The following NTM variants were observed in gnomAD, a reference collection of about 807,000 sequenced individuals.
NTM encodes the protein IgLON family member 2.
A neutral mutation model predicts 42.1 loss-of-function variants in NTM; 13 were observed. That is an observed-to-expected ratio of 0.31 (90% CI 0.20 to 0.49). NTM has a LOEUF of 0.49. NTM is among the 20% of genes least tolerant of loss of function. The probability of loss-of-function intolerance (pLI) is 0.99; values close to 1 mark genes in which losing one functional copy is unlikely to be tolerated. For synonymous variants in NTM, 187 were observed against 179.2 expected (o/e 1.04, Z -0.35); for missense variants, 373 against 452.8 (o/e 0.82, Z 1.60).
At chr11:131,776,199 A>G (rs528822056) in intron 1 of NTM, among the ~76,000 whole-genome samples, 2 of 152,338 alleles carry the variant, frequency 1.3e-5, no homozygotes, top group South Asian at 4.1e-4. Context: ...TTTAGTAGAC[A>G]TTTGTGGCTC....
chr11:131,911,198 C>A (rs937803812), intron 1 of NTM: 23 of 1,372,672 alleles, frequency 1.7e-5, no homozygotes, highest in Non-Finnish European at 2.1e-5. Flanking sequence ...CGCGCTTCCC[C>A]CTCCTCGGCC....
intron 4 of NTM, among the ~76,000 whole-genome samples, chr11:132,277,547 A>G (rs2093777025): frequency 6.6e-6 from 1 of 152,208 alleles, no homozygotes; most frequent in South Asian, 2.1e-4. Context: ...AATGTCTCAC[A>G]GAGTTGGTTC....
rs562237532 is a variant in NTM at position 132,024,021 on chromosome 11, A to G, written c.167+112373A>G. On this transcript the variant is annotated intron_variant, in intron 2 of 8. Transcript: ENST00000683400. ...TTTTTAGTAGAGATGGGGTTTCACC[A>G]TGTTAGCCAGGAGGTCTCGATCTCC... Among the ~76,000 whole-genome samples the G allele has an allele frequency of 1.3e-3, 191 of 151,818 alleles. 1 individual carries two copies. Among genetic ancestry groups the G allele is most frequent in the African/African-American group, 4.5e-3 (186 of 41,394 alleles).
chr11:131,937,849 T>A (rs940342803), intron 2 of NTM, among the ~76,000 whole-genome samples: 1 of 152,144 alleles, frequency 6.6e-6, no homozygotes, highest in Non-Finnish European at 1.5e-5. Context: ...TTCAGCAAAG[T>A]GTCTCAAAGG....
chr11:132,306,773 G>A lies in NTM; in HGVS notation c.527-916G>A, dbSNP rs1186356041. On this transcript the variant is annotated intron_variant, in intron 4 of 8. Transcript: ENST00000683400. ...GAAGGGAGGATAGCTTGGGATGTAA[G>A]CCCTAACTTTTGTTTTTCATTGTCT... 2.0e-5 allele frequency among the ~76,000 whole-genome samples: 3 copies of A among 152,262 alleles called. No homozygotes were observed. The East Asian group carries it at 5.8e-4, about 29-fold the overall frequency.
intron 1 of NTM, among the ~76,000 whole-genome samples, chr11:131,389,024 A>AAAAAG (rs58205309): frequency 0.019 from 1,745 of 89,878 alleles, 30 homozygotes; most frequent in African/African-American, 0.026. Flanking sequence ...AAAAAAAAAA[A>AAAAAG]AAAAGAAAAG....
rs374036330 is a variant in NTM, at chr11:131,866,664, GA to G, written c.83-44897del. On this transcript the variant is annotated intron_variant, in intron 1 of 8. Transcript: ENST00000683400. Reference sequence around the variant, plus strand: ...ACAAAGGAATTTGCATTTGCAGTCAGAAACACCCTCGGATTATTTTTGAAAT... The same window carrying G: ...ACAAAGGAATTTGCATTTGCAGTCAGAACACCCTCGGATTATTTTTGAAAT... 1.4e-4 allele frequency among the ~76,000 whole-genome samples: 21 copies of G among 152,354 alleles called. 2 individuals carry two copies. Among genetic ancestry groups the G allele is most frequent in the African/African-American group, 5.1e-4 (21 of 41,578 alleles).
intron 1 of NTM, among the ~76,000 whole-genome samples, chr11:131,493,578 G>T (rs1238311184): frequency 6.6e-6 from 1 of 152,170 alleles, no homozygotes; most frequent in Non-Finnish European, 1.5e-5. Flanking sequence ...AGCTGCCATT[G>T]GCTCATGGCT....
At chr11:131,857,156 G>C (rs1373833893) in intron 1 of NTM, among the ~76,000 whole-genome samples, 1 of 152,160 alleles carries the variant, frequency 6.6e-6, no homozygotes, top group East Asian at 1.9e-4. Context: ...GCCTTCCACA[G>C]AACAGACACA....
rs567160121 is a variant in NTM at position 132,322,227 on chromosome 11, G to A, written c.934+7524G>A. On this transcript the variant is annotated intron_variant, in intron 7 of 8. Coordinates refer to ENST00000683400, the MANE Select transcript of NTM (RefSeq NM_001352005.2). Reference sequence around the variant, plus strand: ...CTAAATGCTACAATTAAAAGACACAGACTGACAAATTGGATAAAGAGTCAA... The same window carrying A: ...CTAAATGCTACAATTAAAAGACACAAACTGACAAATTGGATAAAGAGTCAA... Among the ~76,000 whole-genome samples, 591 of 152,268 alleles carry A rather than the reference G, an allele frequency of 3.9e-3. 2 individuals carry two copies. Among genetic ancestry groups the A allele is most frequent in the Non-Finnish European group, 5.7e-3 (390 of 68,028 alleles).
intron 1 of NTM, among the ~76,000 whole-genome samples, chr11:131,555,626 C>T (rs1014795083): frequency 1.6e-4 from 25 of 152,104 alleles, no homozygotes; most frequent in African/African-American, 5.6e-4. Context: ...GCTCCTTCTT[C>T]GATTTCATCA....
At chr11:132,331,967 G>T (rs1277382083) in intron 8 of NTM, among the ~76,000 whole-genome samples, 1 of 152,196 alleles carries the variant, frequency 6.6e-6, no homozygotes, top group African/African-American at 2.4e-5. Context: ...CAGACTGCAG[G>T]CACATCACGA....
At chr11:132,134,898 G>A in intron 2 of NTM, among the ~76,000 whole-genome samples, 1 of 151,240 alleles carries the variant, frequency 6.6e-6, no homozygotes, top group Non-Finnish European at 1.5e-5. Context: ...TTTTCCTCCT[G>A]GTAGATACCT....
chr11:131,915,715 T>C (rs1363163890), intron 2 of NTM, among the ~76,000 whole-genome samples: 1 of 152,050 alleles, frequency 6.6e-6, no homozygotes, highest in East Asian at 1.9e-4. Flanking sequence ...CTCACAATCA[T>C]GGCAGAAGGC....
At chr11:131,496,482 C>G (rs1300594507) in intron 1 of NTM, among the ~76,000 whole-genome samples, 2 of 152,208 alleles carry the variant, frequency 1.3e-5, no homozygotes, top group Non-Finnish European at 2.9e-5. Context: ...CCTGGGCAGG[C>G]CAGGGCCGGC....
chr11:131,563,422 T>A (rs923736783), intron 1 of NTM, among the ~76,000 whole-genome samples: 2 of 152,150 alleles, frequency 1.3e-5, no homozygotes, highest in Non-Finnish European at 2.9e-5. Flanking sequence ...AAAATCTTCC[T>A]ATTTTACCAT....
intron 2 of NTM, among the ~76,000 whole-genome samples, chr11:132,069,355 AC>A: frequency 6.8e-6 from 1 of 146,284 alleles, no homozygotes; most frequent in Non-Finnish European, 1.5e-5. Context: ...TTAACACGTC[AC>A]ACTGACCATC....
chr11:132,199,710 C>A (rs1316398685), intron 3 of NTM, among the ~76,000 whole-genome samples: 1 of 152,054 alleles, frequency 6.6e-6, no homozygotes, highest in South Asian at 2.1e-4. Context: ...TCCCAACTTG[C>A]CCTTTTTGAT....
intron 1 of NTM, among the ~76,000 whole-genome samples, chr11:131,843,998 T>G (rs1165989105): frequency 7.1e-6 from 1 of 141,198 alleles, no homozygotes; most frequent in Non-Finnish European, 1.5e-5. Context: ...GATGTCTTCT[T>G]TTTTTTGTAG....
Sources: allele counts gnomAD v4.1 joint callset (sites outside exome capture counted in the v4.1 genomes callset), GRCh38; gene constraint gnomAD v4.1.1; transcripts MANE v1.5; gene names NCBI Gene and HGNC (gene_info 2026-07-23, HGNC 2026-07-21).